Variants in LRRC4C observed in about 807,000 individuals in gnomAD.
The protein encoded by LRRC4C is leucine rich repeat containing 4C.
In LRRC4C, 5 loss-of-function variants were observed where a neutral mutation model predicts 33.6. The ratio of observed to expected loss-of-function variants is 0.15; its 90% CI spans 0.08 to 0.31. LRRC4C has a LOEUF of 0.31. Among genes scored for constraint, LRRC4C ranks in the 10% least tolerant of loss-of-function variants. LRRC4C has a pLI of 1.00. For missense variants in LRRC4C, 560 were observed against 796.7 expected (o/e 0.70, Z 3.58); for synonymous variants, 329 against 302.0 (o/e 1.09, Z -0.93).
intron 1 of LRRC4C, among the ~76,000 whole-genome samples, chr11:41,166,240 T>C (rs944788855): frequency 3.3e-5 from 5 of 152,212 alleles, no homozygotes; most frequent in African/African-American, 1.2e-4. Context: ...ATTTAATATA[T>C]CTGTTTGGTC....
chr11:40,874,711 A>T (rs1249881124), intron 2 of LRRC4C, among the ~76,000 whole-genome samples: 1 of 152,190 alleles, frequency 6.6e-6, no homozygotes, highest in East Asian at 1.9e-4. Context: ...TGAAAAGTAC[A>T]AATACACAGA....
intron 1 of LRRC4C, among the ~76,000 whole-genome samples, chr11:41,390,250 TAAA>T (rs150207343): frequency 0.011 from 1,620 of 151,710 alleles, 29 homozygotes; most frequent in African/African-American, 0.037. Flanking sequence ...ATAGAACAAA[TAAA>T]AAACAACACA....
chr11:41,356,021 T>C (rs1357100806), intron 1 of LRRC4C, among the ~76,000 whole-genome samples: 1 of 152,080 alleles, frequency 6.6e-6, no homozygotes, highest in Non-Finnish European at 1.5e-5. Flanking sequence ...TGGCTATGAG[T>C]TTATAGCGTT....
In LRRC4C at chr11:40,763,549, G is replaced by T. The variant is rs138997101; in HGVS notation, c.-406-115271C>A. On this transcript the variant is annotated intron_variant, in intron 2 of 6. Transcript: ENST00000528697. ...GTTCTAACATTATATTAAGGAAAAA[G>T]GCACTGAAAAGAGTAGAAAAGACAA... 7.9e-5 allele frequency among the ~76,000 whole-genome samples: 12 copies of T among 152,140 alleles called. No homozygotes were observed. In the East Asian group the frequency reaches 2.3e-3, roughly 29 times the overall value.
intron 1 of LRRC4C, among the ~76,000 whole-genome samples, chr11:41,200,073 C>G (rs1236769799): frequency 6.6e-6 from 1 of 151,904 alleles, no homozygotes; most frequent in African/African-American, 2.4e-5. Flanking sequence ...GTTCCTTATT[C>G]CTGCTTGAGT....
intron 2 of LRRC4C, among the ~76,000 whole-genome samples, chr11:40,658,215 T>G (rs1163048815): frequency 6.6e-6 from 1 of 152,190 alleles, no homozygotes; most frequent in Non-Finnish European, 1.5e-5. Flanking sequence ...AAATGTGGCT[T>G]CAAACCTTTA....
chr11:40,579,110 G>A (rs1158069788), intron 3 of LRRC4C, among the ~76,000 whole-genome samples: 1 of 152,196 alleles, frequency 6.6e-6, no homozygotes, highest in Non-Finnish European at 1.5e-5. Context: ...GGCCGAGGTA[G>A]GTAGATCACT....
At chr11:41,288,225 G>A (rs1445082296) in intron 1 of LRRC4C, among the ~76,000 whole-genome samples, 1 of 152,158 alleles carries the variant, frequency 6.6e-6, no homozygotes, top group Non-Finnish European at 1.5e-5. Flanking sequence ...ATGAAAAAGA[G>A]CCACTTAGGC....
intron 3 of LRRC4C, chr11:40,446,304 C>G (rs1210296026): frequency 6.6e-6 from 1 of 152,164 alleles, no homozygotes; most frequent in Non-Finnish European, 1.5e-5. Context: ...TAGATTCTCT[C>G]AAGACTCCAT....
chr11:40,206,411 T>C (rs1360577607), intron 5 of LRRC4C, among the ~76,000 whole-genome samples: 1 of 35,854 alleles, frequency 2.8e-5, no homozygotes, highest in Non-Finnish European at 6.8e-5. Context: ...AATTTTTGTA[T>C]TTTTTTTTTT....
At chr11:41,048,196 A>AATGT (rs1230470471) in intron 1 of LRRC4C, among the ~76,000 whole-genome samples, 1 of 151,912 alleles carries the variant, frequency 6.6e-6, no homozygotes, top group East Asian at 1.9e-4. Flanking sequence ...ATAAACCAGC[A>AATGT]ATGTGTGTTG....
At chr11:40,268,473 A>G (rs11035758) in intron 4 of LRRC4C, among the ~76,000 whole-genome samples, 25,344 of 152,042 alleles carry the variant, frequency 0.17, 2,592 homozygotes, top group Admixed American at 0.28. Context: ...TACTTTTATT[A>G]CTTTATAGAG....
chr11:40,398,405 C>G (rs143787225), intron 3 of LRRC4C, among the ~76,000 whole-genome samples: 1 of 152,020 alleles, frequency 6.6e-6, no homozygotes, highest in African/African-American at 2.4e-5. Context: ...CTATACCTGC[C>G]TGAGTTTCCA....
intron 2 of LRRC4C, among the ~76,000 whole-genome samples, chr11:40,857,201 T>A (rs939915386): frequency 3.3e-5 from 5 of 152,146 alleles, no homozygotes; most frequent in African/African-American, 7.2e-5. Flanking sequence ...ACACATTTTT[T>A]AAAAATTTAA....
intron 2 of LRRC4C, among the ~76,000 whole-genome samples, chr11:40,880,531 AGATTTTTAAATG>A (rs1955115514): frequency 1.0e-5 from 1 of 96,120 alleles, no homozygotes. Flanking sequence ...CCACAGAATA[AGATTTTTAAATG>A]AAAAAAAAAA....
chr11:40,627,906 T>C (rs1004160871), intron 3 of LRRC4C, among the ~76,000 whole-genome samples: 2 of 152,176 alleles, frequency 1.3e-5, no homozygotes, highest in Non-Finnish European at 2.9e-5. Flanking sequence ...CGTAATATTG[T>C]AATGATGTCC....
At chr11:40,230,582 A>G (rs553349128) in intron 5 of LRRC4C, among the ~76,000 whole-genome samples, 9 of 152,326 alleles carry the variant, frequency 5.9e-5, no homozygotes, top group African/African-American at 2.2e-4. Flanking sequence ...GAGAAGAAAC[A>G]ATTTTTGTGA....
intron 2 of LRRC4C, among the ~76,000 whole-genome samples, chr11:40,802,616 T>C (rs1025775129): frequency 3.3e-5 from 5 of 152,164 alleles, no homozygotes; most frequent in Admixed American, 6.5e-5. Flanking sequence ...TCAAAGTCCC[T>C]TGCATGTATT....
rs199887395 is a variant in LRRC4C at position 40,245,971 on chromosome 11, A to AC, written c.-175-4374dup. 0.012 allele frequency among the ~76,000 whole-genome samples: 1,599 copies of AC among 138,900 alleles called. 131 individuals carry two copies. In the East Asian group the frequency reaches 0.19, roughly 16 times the overall value. The allele number at this position is 138,900 out of a possible 152,430, so 91.1% of individuals were successfully genotyped here. On this transcript the variant is annotated intron_variant, in intron 4 of 6. Transcript: ENST00000528697. ...CATGATACATATTGTTAAAGTCCTAACTTTTTTTTTTTTTTTTTGAGATGG... is the reference window on the plus strand; with the variant it reads ...CATGATACATATTGTTAAAGTCCTAACCTTTTTTTTTTTTTTTTTGAGATGG...
Sources: gnomAD v4.1 joint callset for allele counts (sites outside exome capture counted in the v4.1 genomes callset) on GRCh38, gnomAD v4.1.1 for gene constraint, MANE v1.5 for transcripts, NCBI Gene and HGNC (gene_info 2026-07-23, HGNC 2026-07-21) for gene names.